The following PDE11A variants were observed in gnomAD, a reference collection of about 807,000 sequenced individuals.
The protein encoded by PDE11A is dual 3',5'-cyclic-AMP and -GMP phosphodiesterase 11A.
PDE11A carries 100 observed loss-of-function variants against 100.5 expected under a neutral mutation model. That is an observed-to-expected ratio of 1.00 (90% CI 0.85 to 1.18). The LOEUF is 1.18. Among genes scored for constraint, PDE11A ranks in the 50% most tolerant of loss-of-function variants. The pLI is 0.00. For synonymous variants in PDE11A, 381 were observed against 420.8 expected, an observed-to-expected ratio of 0.91 and a Z score of 1.16; for missense variants, 1,141 against 1,152.6, an observed-to-expected ratio of 0.99 and a Z score of 0.15.
chr2:178,062,095 A>G (rs562825353), intron 1 of PDE11A, among the ~76,000 whole-genome samples: 2 of 152,334 alleles, frequency 1.3e-5, no homozygotes, highest in African/African-American at 4.8e-5. Context: ...CATTCATTTT[A>G]AAAATGAATG....
chr2:177,931,804 C>T (rs895538517), intron 2 of PDE11A, among the ~76,000 whole-genome samples: 1 of 150,486 alleles, frequency 6.6e-6, no homozygotes, highest in Non-Finnish European at 1.5e-5. Context: ...GAAGTCAGAG[C>T]TGAACTGAAT....
intron 13 of PDE11A, among the ~76,000 whole-genome samples, chr2:177,702,155 T>C (rs1342797721): frequency 1.3e-5 from 2 of 152,172 alleles, no homozygotes; most frequent in South Asian, 2.1e-4. Flanking sequence ...ATTTCATTTA[T>C]GTAGAACAAC....
intron 1 of PDE11A, among the ~76,000 whole-genome samples, chr2:178,071,323 C>A (rs1421584974): frequency 6.6e-6 from 1 of 152,208 alleles, no homozygotes; most frequent in Non-Finnish European, 1.5e-5. Context: ...TAACTTCCCA[C>A]AAGCCATTGG....
intron 2 of PDE11A, among the ~76,000 whole-genome samples, chr2:177,949,114 G>A (rs552504178): frequency 4.6e-5 from 7 of 152,096 alleles, no homozygotes; most frequent in South Asian, 2.1e-4. Context: ...ACAAGGTGCC[G>A]TACTCTTTAA....
intron 2 of PDE11A, among the ~76,000 whole-genome samples, chr2:177,984,075 A>G (rs1439087897): frequency 6.6e-6 from 1 of 152,242 alleles, no homozygotes; most frequent in Non-Finnish European, 1.5e-5. Context: ...AATCAATACC[A>G]AAACGATTAT....
chr2:178,071,586 T>A lies in PDE11A; in HGVS notation c.852A>T (p.Lys284Asn). 1 of 1,613,588 alleles carries A rather than the reference T, an allele frequency of 6.2e-7. No homozygotes were observed. The highest frequency in any genetic ancestry group is 8.5e-7 in the Non-Finnish European group (1 of 1,179,556). Residue 284 changes from lysine (K) to asparagine (N), a missense_variant, in exon 1 of 20, where the codon AAA (lysine) becomes AAT (asparagine). Transcript: ENST00000286063. ...NSNEVQVPWGKGIIGYVGEHG... is the reference protein window; with the variant it reads ...NSNEVQVPWGNGIIGYVGEHG... ...GCTCCCCGACATAGCCAATGATACC[T>A]TTGCCCCAGGGGACCTGCACCTCAT...
At chr2:178,031,553 T>C (rs899029823) in intron 1 of PDE11A, among the ~76,000 whole-genome samples, 2 of 152,106 alleles carry the variant, frequency 1.3e-5, no homozygotes, top group South Asian at 2.1e-4. Context: ...AAATATACTG[T>C]TTAAAATATC....
intron 1 of PDE11A, among the ~76,000 whole-genome samples, chr2:178,052,327 C>T (rs1196062237): frequency 1.3e-5 from 2 of 152,200 alleles, no homozygotes; most frequent in African/African-American, 4.8e-5. Context: ...AGAACAAAGA[C>T]ACAACATACC....
In PDE11A at chr2:177,998,532, C is replaced by T. The variant is rs533554824; in HGVS notation, c.1071+15770G>A. On this transcript the variant is annotated intron_variant, in intron 2 of 19. Coordinates refer to ENST00000286063, the MANE Select transcript of PDE11A (RefSeq NM_016953.4). ...TTGAGGCAGTTCTTTAATTGCTTGA[C>T]GTCAAATAGATACATCTTCATCTTC... 188 of 1,366,828 alleles carry T rather than the reference C, an allele frequency of 1.4e-4. No homozygotes were observed. The African/African-American group carries it at 2.1e-3, about 15-fold the overall frequency. 84.7% of individuals were successfully genotyped at this position (1,366,828 alleles called of 1,614,324 possible).
At chr2:178,072,835 C>G (rs1049908904), upstream of PDE11A, 9 of 1,184,846 alleles carry the variant, frequency 7.6e-6, no homozygotes, top group African/African-American at 1.6e-5. Context: ...GAGTGAGGCA[C>G]GGAGCCTGGA....
rs117088691 is a variant in PDE11A, at chr2:177,801,240, C to T, written c.1737+15589G>A. Among the ~76,000 whole-genome samples, 95 of 152,202 alleles carry T rather than the reference C, an allele frequency of 6.2e-4. No individual in the cohort carries two copies. The East Asian group carries it at 0.013, about 21-fold the overall frequency. The stretch of plus-strand genomic sequence containing the variant: ...TTTTAGTCACTTTTTATTAAAACAT[C>T]CTGCTTTATTTTCTTTATGATACAG... On this transcript the variant is annotated intron_variant, in intron 9 of 19. Coordinates refer to ENST00000286063, the MANE Select transcript of PDE11A (RefSeq NM_016953.4).
intron 1 of PDE11A, among the ~76,000 whole-genome samples, chr2:178,046,780 G>A (rs1249544130): frequency 6.6e-6 from 1 of 152,062 alleles, no homozygotes; most frequent in Non-Finnish European, 1.5e-5. Flanking sequence ...CATATCAAGT[G>A]GTAAATTTAT....
chr2:177,733,757 T>G (rs973424522), intron 10 of PDE11A, among the ~76,000 whole-genome samples: 1 of 152,204 alleles, frequency 6.6e-6, no homozygotes. Context: ...GACAGCAAAG[T>G]TCTTTCTTTT....
rs565004342 is a variant in PDE11A at position 177,779,440 on chromosome 2, C to T, written c.1738-10067G>A. Among the ~76,000 whole-genome samples, 27 of 152,306 alleles carry T rather than the reference C, an allele frequency of 1.8e-4. 1 individual carries two copies. The South Asian group carries it at 5.0e-3, about 28-fold the overall frequency. On this transcript the variant is annotated intron_variant, in intron 9 of 19. Transcript: ENST00000286063. The stretch of plus-strand genomic sequence containing the variant: ...ATGCTGCTTGATAGCATTTTACCCA[C>T]GGTAGAACTTCTTTCAGAATTGGAG...
At chr2:178,068,526 A>G (rs188124142) in intron 1 of PDE11A, among the ~76,000 whole-genome samples, 268 of 152,242 alleles carry the variant, frequency 1.8e-3, no homozygotes, top group Middle Eastern at 3.4e-3. Flanking sequence ...GTGATAAAAA[A>G]AAAACCTTAC....
At position 177,649,460 on chromosome 2, in the gene PDE11A, G is replaced by A. The variant is rs984978905; in HGVS notation, c.2646+14406C>T. The stretch of plus-strand genomic sequence containing the variant: ...CATCAAAAAGAATGAGACATCTTCT[G>A]CATGGAGACTGAAAAAGAATAATCT... On this transcript the variant is annotated intron_variant, in intron 19 of 19. Transcript: ENST00000286063. Among the ~76,000 whole-genome samples, 4 of 152,060 alleles carry A rather than the reference G, an allele frequency of 2.6e-5. No homozygotes were observed. In the South Asian group the frequency reaches 6.2e-4, roughly 24 times the overall value.
At position 178,071,975 on chromosome 2, in the gene PDE11A, TC is replaced by T. The variant is rs767503635; in HGVS notation, c.462del (p.Arg155GlyfsTer26). 4 of 1,613,952 alleles carry T rather than the reference TC, an allele frequency of 2.5e-6. No homozygotes were observed. The African/African-American group carries it at 5.3e-5, about 22-fold the overall frequency. On this transcript the variant is annotated frameshift_variant, in exon 1 of 20. Transcript: ENST00000286063. LOFTEE classifies it high-confidence loss of function. ...GAGCTTGCCTTCCGGAGAAGTGCCC[TC>T]CGTCGTACACTACTCAGGGGTTCCT... ...RAQEPLSSVR[R>X]RALLRKASSL...
At chr2:177,918,981 C>A (rs542599070) in intron 2 of PDE11A, among the ~76,000 whole-genome samples, 1 of 152,116 alleles carries the variant, frequency 6.6e-6, no homozygotes, top group South Asian at 2.1e-4. Flanking sequence ...TTTTTGAAGA[C>A]ACATTATTTA....
intron 2 of PDE11A, among the ~76,000 whole-genome samples, chr2:177,958,565 G>A (rs2085594055): frequency 6.6e-6 from 1 of 152,134 alleles, no homozygotes; most frequent in Non-Finnish European, 1.5e-5. Context: ...TGCATACACT[G>A]GGATTAATTA....
Sources: gnomAD v4.1 joint callset for allele counts (sites outside exome capture counted in the v4.1 genomes callset) on GRCh38, gnomAD v4.1.1 for gene constraint, MANE v1.5 for transcripts, NCBI Gene and HGNC (gene_info 2026-07-23, HGNC 2026-07-21) for gene names.